The following RBFOX1 variants were observed in gnomAD, a reference collection of about 807,000 sequenced individuals.
RBFOX1 encodes the protein RNA binding fox-1 homolog 1, also known as RNA binding protein fox-1 homolog 1.
RBFOX1 carries 8 observed loss-of-function variants against 57.7 expected under a neutral mutation model. That is an observed-to-expected ratio of 0.14 (90% confidence interval 0.08 to 0.25). The LOEUF (loss-of-function observed/expected upper bound fraction) is 0.25, where lower values mean the gene tolerates loss of function less well. Ranked by LOEUF, RBFOX1 falls within the 10% of genes least tolerant of loss-of-function variation. The pLI is 1.00. For missense variants in RBFOX1, 611 were observed against 548.5 expected (o/e 1.11, Z -1.14); for synonymous variants, 326 against 222.4 (o/e 1.47, Z -4.15).
At chr16:6,986,227 G>C (rs1204290969) in intron 3 of RBFOX1, among the ~76,000 whole-genome samples, 1 of 117,534 alleles carries the variant, frequency 8.5e-6, no homozygotes, top group East Asian at 3.1e-4. Flanking sequence ...CTGAGACAGA[G>C]TCTTGGTCTG....
intron 3 of RBFOX1, among the ~76,000 whole-genome samples, chr16:7,030,345 C>A (rs1422986176): frequency 6.6e-6 from 1 of 152,108 alleles, no homozygotes; most frequent in East Asian, 1.9e-4. Flanking sequence ...CCTAGCATTG[C>A]CATAAGTTAA....
At chr16:6,392,200 A>G (rs1233567543) in intron 2 of RBFOX1, among the ~76,000 whole-genome samples, 1 of 152,214 alleles carries the variant, frequency 6.6e-6, no homozygotes, top group South Asian at 2.1e-4. Flanking sequence ...TCGTGGCCCA[A>G]CGTAGCCTTT....
intron 1 of RBFOX1, among the ~76,000 whole-genome samples, chr16:5,364,522 G>A (rs578163769): frequency 6.6e-6 from 1 of 152,242 alleles, no homozygotes; most frequent in South Asian, 2.1e-4. Context: ...CTGGCAATAG[G>A]GACGTCCTTC....
chr16:5,859,870 C>T (rs538192249), intron 3 of RBFOX1, among the ~76,000 whole-genome samples: 86 of 152,144 alleles, frequency 5.7e-4, no homozygotes, highest in Non-Finnish European at 9.3e-4. Context: ...ATCTAGGCAG[C>T]GCCTGCTGGG....
Position 6,062,257 on chromosome 16 carries a change from C to T in RBFOX1, c.-127+42265C>T, listed in dbSNP as rs558931358. On this transcript the variant is annotated intron_variant, in intron 1 of 15. Transcript: ENST00000550418. ...TTCATTAAATAGGTTTGATTGATTC[C>T]ATCATTGGCCATTGGTGATCAACTC... Among the ~76,000 whole-genome samples, 3 of 150,944 alleles carry T rather than the reference C, an allele frequency of 2.0e-5. No homozygotes were observed. In the East Asian group the frequency reaches 5.9e-4, roughly 30 times the overall value.
intron 1 of RBFOX1, among the ~76,000 whole-genome samples, chr16:6,069,213 A>G (rs1016863022): frequency 5.9e-5 from 9 of 152,094 alleles, no homozygotes; most frequent in Admixed American, 5.2e-4. Context: ...AGCCTGACCA[A>G]TATGGAGAAA....
At chr16:7,195,113 C>G (rs1012835894) in intron 4 of RBFOX1, among the ~76,000 whole-genome samples, 7 of 152,160 alleles carry the variant, frequency 4.6e-5, no homozygotes, top group Admixed American at 6.5e-5. Context: ...TATCAACACC[C>G]TTAAGTCTGT....
chr16:7,323,469 T>C (rs13337052), intron 4 of RBFOX1, among the ~76,000 whole-genome samples: 35,161 of 152,152 alleles, frequency 0.23, 4,318 homozygotes, highest in African/African-American at 0.3. Context: ...CCACCATTTC[T>C]CAGAGTATAT....
At chr16:7,606,105 C>T (rs1331932415) in intron 9 of RBFOX1, among the ~76,000 whole-genome samples, 1 of 151,210 alleles carries the variant, frequency 6.6e-6, no homozygotes, top group African/African-American at 2.4e-5. Context: ...GCCACGGTGC[C>T]CGACCTGCAT....
intron 2 of RBFOX1, among the ~76,000 whole-genome samples, chr16:6,577,586 C>T (rs1428168832): frequency 6.6e-6 from 1 of 152,208 alleles, no homozygotes; most frequent in Non-Finnish European, 1.5e-5. Context: ...GGACACTCTA[C>T]AGAGAAGCTC....
At chr16:5,860,857 C>G (rs1042716817) in intron 3 of RBFOX1, among the ~76,000 whole-genome samples, 2 of 152,208 alleles carry the variant, frequency 1.3e-5, no homozygotes, top group Admixed American at 6.5e-5. Context: ...TCTACTCACG[C>G]AGCATCTTTG....
At chr16:5,815,710 T>C (rs530351220) in intron 3 of RBFOX1, among the ~76,000 whole-genome samples, 88 of 152,268 alleles carry the variant, frequency 5.8e-4, no homozygotes, top group Non-Finnish European at 1.1e-3. Context: ...AAATTAATCT[T>C]CTTGTAAAAC....
intron 5 of RBFOX1, among the ~76,000 whole-genome samples, chr16:7,578,294 C>T (rs993866374): frequency 4.6e-5 from 7 of 152,118 alleles, no homozygotes; most frequent in African/African-American, 1.7e-4. Flanking sequence ...CTATTCAATC[C>T]AACAGTATAG....
At chr16:7,562,407 A>G (rs1450807789) in intron 5 of RBFOX1, among the ~76,000 whole-genome samples, 2 of 152,154 alleles carry the variant, frequency 1.3e-5, no homozygotes, top group East Asian at 3.9e-4. Context: ...CCAGGAGGCC[A>G]AATGCTGAAG....
intron 4 of RBFOX1, among the ~76,000 whole-genome samples, chr16:7,103,151 T>C (rs2062986621): frequency 6.6e-6 from 1 of 152,162 alleles, no homozygotes; most frequent in African/African-American, 2.4e-5. Context: ...TACTGAAAGT[T>C]ATTCCATTTG....
chr16:5,397,959 C>T (rs555012164), intron 1 of RBFOX1, among the ~76,000 whole-genome samples: 2 of 152,286 alleles, frequency 1.3e-5, no homozygotes, highest in South Asian at 2.1e-4. Context: ...GAGGTCCTTG[C>T]CCCCATGGAG....
intron 1 of RBFOX1, among the ~76,000 whole-genome samples, chr16:6,306,900 G>T (rs2079573316): frequency 1.3e-5 from 2 of 152,156 alleles, no homozygotes; most frequent in Admixed American, 6.5e-5. Flanking sequence ...CTAGTTTCAT[G>T]ATGGGATTGG....
At chr16:7,078,817 G>C (rs956390598) in intron 4 of RBFOX1, among the ~76,000 whole-genome samples, 8 of 140,808 alleles carry the variant, frequency 5.7e-5, no homozygotes, top group Non-Finnish European at 1.2e-4. Context: ...CGAGTAGCTG[G>C]GATTAGAGTA....
Position 7,034,848 on chromosome 16 carries a change from C to CTTTTCTTTTTTTTTTT in RBFOX1, c.-15-17205_-15-17204insCTTTTTTTTTTTTTTT, listed in dbSNP as rs1412479062. ...ATTACTTTTTTTTTTTTTCTTTTTT[C>CTTTTCTTTTTTTTTTT]TTTTTTTTTTTTTTTTTTGAGATGG... On this transcript the variant is annotated intron_variant, in intron 3 of 15. Coordinates refer to ENST00000550418, the MANE Select transcript of RBFOX1 (RefSeq NM_018723.4). Among the ~76,000 whole-genome samples the CTTTTCTTTTTTTTTTT allele has an allele frequency of 5.1e-3, 157 of 30,848 alleles. 27 individuals are homozygous for CTTTTCTTTTTTTTTTT. The highest frequency in any genetic ancestry group is 0.025 in the African/African-American group (143 of 5,764). 20.2% of individuals were successfully genotyped at this position (30,848 alleles called of 152,430 possible). A position where few individuals can be genotyped will look rare whatever the true frequency, so the allele number is the denominator to read the frequency against.
Sources: allele counts gnomAD v4.1 joint callset (sites outside exome capture counted in the v4.1 genomes callset), GRCh38; gene constraint gnomAD v4.1.1; transcripts MANE v1.5; gene names NCBI Gene and HGNC (gene_info 2026-07-23, HGNC 2026-07-21).